The following ZNF804B variants were observed in gnomAD, a reference collection of about 807,000 sequenced individuals.
ZNF804B encodes the protein zinc finger 804B.
In ZNF804B, 80 loss-of-function variants were observed where a neutral mutation model predicts 101.4. That is an observed-to-expected ratio of 0.79 (90% CI 0.66 to 0.95). The LOEUF (loss-of-function observed/expected upper bound fraction) is 0.95. Ranked by LOEUF, ZNF804B falls within the 40% of genes least tolerant of loss-of-function variation. ZNF804B has a pLI of 0.00. For missense variants in ZNF804B, 1,673 were observed against 1,561.9 expected, an observed-to-expected ratio of 1.07 and a Z score of -1.20; for synonymous variants, 622 against 558.8, an observed-to-expected ratio of 1.11 and a Z score of -1.59.
At chr7:88,772,289 C>T (rs1790082022) in intron 1 of ZNF804B, among the ~76,000 whole-genome samples, 1 of 152,174 alleles carries the variant, frequency 6.6e-6, no homozygotes, top group African/African-American at 2.4e-5. Context: ...ACAAAAAAAC[C>T]ATAAATCTTC....
rs10272159 is a variant in ZNF804B at position 88,768,169 on chromosome 7, T to C, written c.108+8085T>C. 2.2e-3 allele frequency among the ~76,000 whole-genome samples: 331 copies of C among 152,336 alleles called. 2 individuals carry two copies. The highest frequency in any genetic ancestry group is 7.7e-3 in the African/African-American group (320 of 41,576). ...TCTTCATCATTCAGGACATTCCCAC[T>C]GATACATTTGACAATAGTGTAGCTG... is the stretch of plus-strand genomic sequence containing the variant. On this transcript the variant is annotated intron_variant, in intron 1 of 3. Coordinates refer to ENST00000333190, the MANE Select transcript of ZNF804B (RefSeq NM_181646.5).
intron 1 of ZNF804B, among the ~76,000 whole-genome samples, chr7:89,087,839 G>T (rs149458869): frequency 3.0e-3 from 451 of 151,874 alleles, no homozygotes; most frequent in Middle Eastern, 0.01. Context: ...ACTGGGCAGA[G>T]TCCTCTCTTC....
At chr7:88,886,219 G>T (rs952482381) in intron 1 of ZNF804B, among the ~76,000 whole-genome samples, 1 of 152,062 alleles carries the variant, frequency 6.6e-6, no homozygotes, top group Admixed American at 6.6e-5. Context: ...ATGGTAGATG[G>T]ATTAGGGATG....
At chr7:88,974,683 A>G (rs1793589729) in intron 1 of ZNF804B, among the ~76,000 whole-genome samples, 1 of 151,318 alleles carries the variant, frequency 6.6e-6, no homozygotes, top group Non-Finnish European at 1.5e-5. Context: ...GTAGGTGTAC[A>G]TATTTATAGG....
intron 1 of ZNF804B, among the ~76,000 whole-genome samples, chr7:89,160,466 C>T (rs1584023841): frequency 6.6e-6 from 1 of 152,132 alleles, no homozygotes; most frequent in African/African-American, 2.4e-5. Flanking sequence ...TACATTGTTC[C>T]AGCCATGAAA....
intron 1 of ZNF804B, among the ~76,000 whole-genome samples, chr7:89,209,720 T>G (rs1178814687): frequency 6.6e-6 from 1 of 152,236 alleles, no homozygotes; most frequent in Non-Finnish European, 1.5e-5. Flanking sequence ...ACTGTCTATG[T>G]GTGTAAGAGA....
Position 88,774,173 on chromosome 7 carries a change from C to G in ZNF804B, c.108+14089C>G, listed in dbSNP as rs549624175. On this transcript the variant is annotated intron_variant, in intron 1 of 3. Transcript: ENST00000333190. ...ACAATTCTAAATTTTTATCTAGAGA[C>G]TTTTCAATTTTGCTCTTTTGTTTTT... Among the ~76,000 whole-genome samples the G allele has an allele frequency of 6.8e-5, 10 of 147,652 alleles. No homozygotes were observed. In the East Asian group the frequency reaches 1.6e-3, roughly 24 times the overall value.
intron 1 of ZNF804B, among the ~76,000 whole-genome samples, chr7:88,829,893 T>C (rs1409738707): frequency 1.3e-5 from 2 of 152,294 alleles, no homozygotes; most frequent in East Asian, 3.9e-4. Context: ...GTTATGTTGA[T>C]TTTAGTCCTC....
intron 1 of ZNF804B, among the ~76,000 whole-genome samples, chr7:88,816,892 C>G (rs1399256821): frequency 6.8e-6 from 1 of 147,762 alleles, no homozygotes; most frequent in Non-Finnish European, 1.5e-5. Context: ...GGTATATACC[C>G]AAAGGATTAT....
intron 1 of ZNF804B, among the ~76,000 whole-genome samples, chr7:89,023,330 TA>T (rs67339105): frequency 0.12 from 18,680 of 152,158 alleles, 1,702 homozygotes; most frequent in East Asian, 0.27. Flanking sequence ...GTTCCTAGTG[TA>T]AAAATGTGTT....
At chr7:89,311,205 G>T (rs561035197) in intron 2 of ZNF804B, among the ~76,000 whole-genome samples, 1 of 152,288 alleles carries the variant, frequency 6.6e-6, no homozygotes, top group South Asian at 2.1e-4. Flanking sequence ...GACAGTCAGA[G>T]ATTTGAGAAA....
intron 1 of ZNF804B, among the ~76,000 whole-genome samples, chr7:88,782,956 C>T (rs1790252172): frequency 1.3e-5 from 2 of 152,134 alleles, no homozygotes; most frequent in South Asian, 4.2e-4. Flanking sequence ...AACATTTCTT[C>T]AGTTACAGAA....
Position 89,048,327 on chromosome 7 carries a change from G to T in ZNF804B, c.109-169828G>T, listed in dbSNP as rs560843470. 5.4e-4 allele frequency among the ~76,000 whole-genome samples: 82 copies of T among 152,012 alleles called. 1 individual carries two copies. Among genetic ancestry groups the T allele is most frequent in the African/African-American group, 1.8e-3 (73 of 41,348 alleles). On this transcript the variant is annotated intron_variant, in intron 1 of 3. Transcript: ENST00000333190. ...ATTCTAAGTGAAGTAACGAAGGAAT[G>T]AAGTCTTTTTTAAAAGGACTGGTTT...
At chr7:89,046,241 T>G (rs1399934383) in intron 1 of ZNF804B, among the ~76,000 whole-genome samples, 1 of 152,110 alleles carries the variant, frequency 6.6e-6, no homozygotes, top group East Asian at 1.9e-4. Context: ...GTGGGTAAGT[T>G]AATCCTCTTT....
intron 1 of ZNF804B, among the ~76,000 whole-genome samples, chr7:89,004,073 A>G (rs1026713112): frequency 5.6e-5 from 8 of 143,776 alleles, no homozygotes; most frequent in East Asian, 4.0e-4. Flanking sequence ...AAAAAAAAAA[A>G]GGGAAATTAC....
At chr7:88,935,363 A>G (rs578168378) in intron 1 of ZNF804B, among the ~76,000 whole-genome samples, 3 of 128,496 alleles carry the variant, frequency 2.3e-5, no homozygotes, top group African/African-American at 6.6e-5. Context: ...TTGAAGTAAA[A>G]GTAATTAAAA....
chr7:88,913,338 G>T (rs770844872), intron 1 of ZNF804B, among the ~76,000 whole-genome samples: 5 of 152,152 alleles, frequency 3.3e-5, no homozygotes, highest in Non-Finnish European at 7.4e-5. Context: ...ACTTCTGCAA[G>T]TTTCTCTGGA....
At chr7:89,160,372 T>C (rs1297482404) in intron 1 of ZNF804B, among the ~76,000 whole-genome samples, 5 of 152,148 alleles carry the variant, frequency 3.3e-5, no homozygotes. Flanking sequence ...TGATGACACC[T>C]TGGGGAATGC....
intron 1 of ZNF804B, among the ~76,000 whole-genome samples, chr7:88,798,984 A>AT (rs1200821905): frequency 6.6e-6 from 1 of 152,132 alleles, no homozygotes; most frequent in Non-Finnish European, 1.5e-5. Context: ...CAAACAACTG[A>AT]TAAGTCACAG....
Sources: gnomAD v4.1 joint callset for allele counts (sites outside exome capture counted in the v4.1 genomes callset) on GRCh38, gnomAD v4.1.1 for gene constraint, MANE v1.5 for transcripts, NCBI Gene and HGNC (gene_info 2026-07-23, HGNC 2026-07-21) for gene names.